ATP6V1H: variants seen among roughly 807,000 people sequenced by gnomAD.
The protein encoded by ATP6V1H is ATPase H+ transporting V1 subunit H.
ATP6V1H carries 39 observed loss-of-function variants against 71.7 expected under a neutral mutation model. The observed-to-expected ratio is 0.54, with a 90% CI of 0.42 to 0.71. The LOEUF (loss-of-function observed/expected upper bound fraction) is 0.71. ATP6V1H is among the 30% of genes least tolerant of loss of function. ATP6V1H has a pLI of 0.00. For missense variants in ATP6V1H, 509 were observed against 594.9 expected, an observed-to-expected ratio of 0.86 and a Z score of 1.50; for synonymous variants, 192 against 199.3, an observed-to-expected ratio of 0.96 and a Z score of 0.31.
intron 3 of ATP6V1H, among the ~76,000 whole-genome samples, chr8:53,830,901 G>A (rs1810985944): frequency 2.0e-5 from 3 of 152,114 alleles, no homozygotes; most frequent in Non-Finnish European, 2.9e-5. Context: ...TTGCACATGC[G>A]GTTGGGGTGG....
chr8:53,814,674 C>T lies in ATP6V1H; in HGVS notation c.513G>A (p.Gln171=), dbSNP rs114660750. 5.3e-4 allele frequency: 855 copies of T among 1,605,350 alleles called. 5 individuals carry two copies. The African/African-American group carries it at 1.0e-2, about 19-fold the overall frequency. Residue 171 remains glutamine (Q), a synonymous_variant, in exon 6 of 14, where the codon CAG becomes CAA. Coordinates refer to ENST00000359530, the MANE Select transcript of ATP6V1H (RefSeq NM_015941.4). ...AATTTTCTTTTACCTGTGAACTCAGCTGAGTTTTTATCCAATTGAAATAGT... is the reference window on the plus strand; with the variant it reads ...AATTTTCTTTTACCTGTGAACTCAGTTGAGTTTTTATCCAATTGAAATAGT... ...LNYYFNWIKT[Q]LSSQKLRGSG...
At chr8:53,798,932 C>A (rs1329386287) in intron 8 of ATP6V1H, among the ~76,000 whole-genome samples, 1 of 152,022 alleles carries the variant, frequency 6.6e-6, no homozygotes, top group African/African-American at 2.4e-5. Context: ...AAGGTACTAG[C>A]CATCAGAACA....
rs941993124 is a variant in ATP6V1H, at chr8:53,831,788, G to A, written c.216+1196C>T. ...TTTTTTTTGTATTTTTAGTAGAGACGAAGTTTTACCATGTTGGCCAGGCTG... is the reference window on the plus strand; with the variant it reads ...TTTTTTTTGTATTTTTAGTAGAGACAAAGTTTTACCATGTTGGCCAGGCTG... On this transcript the variant is annotated intron_variant, in intron 3 of 13. Transcript: ENST00000359530. 2.0e-4 allele frequency: 25 copies of A among 124,440 alleles called. 1 individual carries two copies. The highest frequency in any genetic ancestry group is 2.0e-3 in the Admixed American group (21 of 10,724). The allele number at this position is 124,440 out of a possible 1,614,324, so 7.7% of individuals were successfully genotyped here.
chr8:53,832,955 G>A (rs1563315237), intron 3 of ATP6V1H, 29 bp downstream of exon 3: 1 of 1,441,438 alleles, frequency 6.9e-7, no homozygotes, highest in Non-Finnish European at 9.7e-7. Context: ...ACACGGGGAA[G>A]TGTTCATTAT....
At chr8:53,783,176 C>CT (rs1809231227) in intron 9 of ATP6V1H, among the ~76,000 whole-genome samples, 1 of 151,774 alleles carries the variant, frequency 6.6e-6, no homozygotes, top group Non-Finnish European at 1.5e-5. Context: ...TGGTCCTGGA[C>CT]TTTTTTTGGT....
intron 7 of ATP6V1H, among the ~76,000 whole-genome samples, chr8:53,810,943 AAAAAG>A (rs1810254404): frequency 6.6e-6 from 1 of 152,184 alleles, no homozygotes; most frequent in African/African-American, 2.4e-5. Context: ...GTCACCTGGA[AAAAAG>A]AGCAACGGGA....
At chr8:53,731,640 C>T (rs546856107) in intron 13 of ATP6V1H, among the ~76,000 whole-genome samples, 6 of 146,696 alleles carry the variant, frequency 4.1e-5, no homozygotes, top group South Asian at 2.1e-4. Flanking sequence ...TCGGGGAGCT[C>T]GGTTTTGGGA....
At chr8:53,719,685 C>G (rs1159459661) in intron 13 of ATP6V1H, among the ~76,000 whole-genome samples, 1 of 152,162 alleles carries the variant, frequency 6.6e-6, no homozygotes, top group African/African-American at 2.4e-5. Flanking sequence ...CACACATTCT[C>G]CCCTCTCATT....
chr8:53,776,156 T>C (rs947632049), intron 9 of ATP6V1H, among the ~76,000 whole-genome samples: 2 of 152,188 alleles, frequency 1.3e-5, no homozygotes, highest in African/African-American at 2.4e-5. Flanking sequence ...AAGTCCGTCA[T>C]TGCCCAGGGC....
intron 4 of ATP6V1H, among the ~76,000 whole-genome samples, chr8:53,818,523 G>C (rs1213287570): frequency 1.3e-5 from 2 of 152,062 alleles, no homozygotes; most frequent in Non-Finnish European, 2.9e-5. Context: ...TTATTGTTTA[G>C]AATAACAATT....
chr8:53,808,604 C>CA (rs1810168640), intron 7 of ATP6V1H, among the ~76,000 whole-genome samples: 1 of 151,934 alleles, frequency 6.6e-6, no homozygotes, highest in Non-Finnish European at 1.5e-5. Flanking sequence ...CTTGTCTCCA[C>CA]CAAAATACAA....
intron 4 of ATP6V1H, among the ~76,000 whole-genome samples, chr8:53,818,805 G>C (rs1810538254): frequency 6.6e-6 from 1 of 151,938 alleles, no homozygotes; most frequent in Admixed American, 6.6e-5. Flanking sequence ...TGAAATGATA[G>C]GATTAAAAAT....
At chr8:53,756,420 A>G (rs1404665469) in intron 12 of ATP6V1H, 135 bp downstream of exon 12, 2 of 640,146 alleles carry the variant, frequency 3.1e-6, no homozygotes, top group African/African-American at 3.7e-5. Context: ...CATAATTCTC[A>G]CTATTGTGGC....
intron 2 of ATP6V1H, among the ~76,000 whole-genome samples, chr8:53,836,462 C>T (rs1811163153): frequency 6.6e-6 from 1 of 152,186 alleles, no homozygotes; most frequent in South Asian, 2.1e-4. Flanking sequence ...TTTGACATTT[C>T]CATAATCCAG....
intron 13 of ATP6V1H, among the ~76,000 whole-genome samples, chr8:53,738,697 C>T (rs1200681156): frequency 4.6e-5 from 7 of 152,056 alleles, no homozygotes; most frequent in Non-Finnish European, 1.5e-5. Context: ...GCTTATTTTC[C>T]AACTCTTCTG....
At chr8:53,823,475 C>T (rs566690939) in intron 4 of ATP6V1H, among the ~76,000 whole-genome samples, 1 of 152,070 alleles carries the variant, frequency 6.6e-6, no homozygotes, top group Non-Finnish European at 1.5e-5. Context: ...TATTTAAATA[C>T]TTAATTTTTG....
intron 13 of ATP6V1H, among the ~76,000 whole-genome samples, chr8:53,725,368 A>G (rs1806777882): frequency 6.6e-6 from 1 of 152,030 alleles, no homozygotes; most frequent in African/African-American, 2.4e-5. Flanking sequence ...CTCAACCTTG[A>G]CTTCTCAAAC....
chr8:53,821,411 G>A (rs182358819), intron 4 of ATP6V1H, among the ~76,000 whole-genome samples: 4 of 151,352 alleles, frequency 2.6e-5, no homozygotes, highest in East Asian at 1.9e-4. Context: ...GTCCAGGTGC[G>A]ATGGCTCACA....
At chr8:53,807,222 A>G (rs1321372023) in intron 7 of ATP6V1H, among the ~76,000 whole-genome samples, 1 of 151,898 alleles carries the variant, frequency 6.6e-6, no homozygotes, top group Non-Finnish European at 1.5e-5. Flanking sequence ...GCATTAAATT[A>G]AAAACAAACT....
Sources: gnomAD v4.1 joint callset for allele counts (sites outside exome capture counted in the v4.1 genomes callset) on GRCh38, gnomAD v4.1.1 for gene constraint, MANE v1.5 for transcripts, NCBI Gene and HGNC (gene_info 2026-07-23, HGNC 2026-07-21) for gene names.